The following USP37 variants were observed in gnomAD, a reference collection of about 807,000 sequenced individuals.
The protein encoded by USP37 is ubiquitin specific peptidase 37, also known as ubiquitin carboxyl-terminal hydrolase 37.
A neutral mutation model predicts 124.0 loss-of-function variants in USP37; 27 were observed. The observed-to-expected ratio is 0.22, with a 90% confidence interval of 0.16 to 0.30. USP37 has a LOEUF of 0.30. USP37 is among the 10% of genes least tolerant of loss of function. USP37 has a pLI of 1.00. For missense variants in USP37, 889 were observed against 1,140.4 expected (o/e 0.78, Z 3.17); for synonymous variants, 365 against 388.0 (o/e 0.94, Z 0.70).
rs192932949 is a variant in USP37 at position 218,538,343 on chromosome 2, T to C, written c.681-3637A>G. On this transcript the variant is annotated intron_variant, in intron 8 of 25. Transcript: ENST00000258399. Reference sequence around the variant, plus strand: ...GGTTGTGGCAAATGATTTGGATAAATAGGGGCTTGGAACGAGCAAGCCTGG... The same window carrying C: ...GGTTGTGGCAAATGATTTGGATAAACAGGGGCTTGGAACGAGCAAGCCTGG... Among the ~76,000 whole-genome samples the C allele has an allele frequency of 3.4e-4, 51 of 152,138 alleles. No individual in the cohort carries two copies. In the East Asian group the frequency reaches 6.8e-3, roughly 20 times the overall value.
intron 1 of USP37, among the ~76,000 whole-genome samples, chr2:218,564,712 G>T (rs1259883057): frequency 2.6e-5 from 4 of 152,076 alleles, no homozygotes; most frequent in African/African-American, 7.2e-5. Flanking sequence ...TACTCTAACT[G>T]TATACTCCAA....
At chr2:218,555,768 A>T (rs1206045723) in intron 4 of USP37, among the ~76,000 whole-genome samples, 1 of 152,036 alleles carries the variant, frequency 6.6e-6, no homozygotes, top group Non-Finnish European at 1.5e-5. Context: ...TGAATGCTTG[A>T]CACCTCAGAT....
At chr2:218,556,642 T>C (rs912210022) in intron 4 of USP37, among the ~76,000 whole-genome samples, 1 of 150,164 alleles carries the variant, frequency 6.7e-6, no homozygotes, top group African/African-American at 2.5e-5. Flanking sequence ...GCCTCCCGAG[T>C]AGCTGGGAAT....
chr2:218,466,612 G>T (rs1432130436), intron 20 of USP37, among the ~76,000 whole-genome samples: 9 of 152,112 alleles, frequency 5.9e-5, no homozygotes, highest in Non-Finnish European at 1.3e-4. Context: ...GTAAAGATGG[G>T]GAAGAAAAAA....
At chr2:218,455,552 T>A in intron 25 of USP37, 28 bp downstream of exon 25, 1 of 1,569,186 alleles carries the variant, frequency 6.4e-7, no homozygotes, top group Admixed American at 2.0e-5. Context: ...TTCTAACTCA[T>A]TATTTAGAAT....
chr2:218,460,319 T>A (rs1689946245), intron 22 of USP37, among the ~76,000 whole-genome samples: 1 of 151,678 alleles, frequency 6.6e-6, no homozygotes, highest in Non-Finnish European at 1.5e-5. Flanking sequence ...TAAAATAGTT[T>A]GAGGTACACA....
At chr2:218,558,775 T>C (rs113031690) in intron 3 of USP37, 98 bp from the exon 4 acceptor site, 8 of 932,062 alleles carry the variant, frequency 8.6e-6, no homozygotes, top group South Asian at 1.7e-5. Context: ...CTAACCACCA[T>C]GCATTTCTTC....
At chr2:218,471,938 G>A (rs1257574615) in intron 20 of USP37, among the ~76,000 whole-genome samples, 1 of 151,896 alleles carries the variant, frequency 6.6e-6, no homozygotes, top group Non-Finnish European at 1.5e-5. Flanking sequence ...GCTGAGGCAG[G>A]AGAATCACTT....
At chr2:218,457,708 G>A (rs776970038) in intron 23 of USP37, among the ~76,000 whole-genome samples, 2 of 152,022 alleles carry the variant, frequency 1.3e-5, no homozygotes, top group South Asian at 2.1e-4. Flanking sequence ...AAGCAAAACT[G>A]AAAAAGTGAT....
intron 9 of USP37, among the ~76,000 whole-genome samples, chr2:218,531,235 G>A (rs1036915650): frequency 8.5e-5 from 13 of 152,294 alleles, no homozygotes; most frequent in African/African-American, 2.9e-4. Flanking sequence ...TAATGTGGCT[G>A]AGGACTTGAA....
Position 218,493,155 on chromosome 2 carries a change from G to C in USP37, c.1472+2605C>G, listed in dbSNP as rs563806223. On this transcript the variant is annotated intron_variant, in intron 14 of 25. Coordinates refer to ENST00000258399, the MANE Select transcript of USP37 (RefSeq NM_020935.3). ...GCCAAACTGGCCAAACAAACCTATA[G>C]CAAGATGGGGCAGAGGATAAACACA... Among the ~76,000 whole-genome samples the C allele has an allele frequency of 2.5e-3, 375 of 152,064 alleles. 2 individuals are homozygous for C. The highest frequency in any genetic ancestry group is 8.5e-3 in the African/African-American group (352 of 41,456).
intron 11 of USP37, 125 bp from the exon 12 acceptor site, chr2:218,498,282 A>AC: frequency 1.0e-6 from 1 of 991,418 alleles, no homozygotes; most frequent in Non-Finnish European, 1.4e-6. Flanking sequence ...ACATATTACT[A>AC]CACCCTAACC....
intron 11 of USP37, 45 bp downstream of exon 11, chr2:218,509,934 G>C (rs1275782749): frequency 5.4e-6 from 8 of 1,478,194 alleles, no homozygotes; most frequent in African/African-American, 1.4e-5. Context: ...CACTTCTATT[G>C]AATCACTTTA....
rs530788907 is a variant in USP37 at position 218,463,786 on chromosome 2, C to T, written c.2467-420G>A. Reference sequence around the variant, plus strand: ...TCCTGACCTTGTGATCCGCCCACCTCGGCTTCCCAAAGTGCTGGGATTACA... The same window carrying T: ...TCCTGACCTTGTGATCCGCCCACCTTGGCTTCCCAAAGTGCTGGGATTACA... On this transcript the variant is annotated intron_variant, in intron 21 of 25. Transcript: ENST00000258399. Among the ~76,000 whole-genome samples, 508 of 151,062 alleles carry T rather than the reference C, an allele frequency of 3.4e-3. 1 individual carries two copies. The highest frequency in any genetic ancestry group is 0.011 in the African/African-American group (460 of 41,172).
At chr2:218,544,583 G>A (rs1692219966) in intron 8 of USP37, among the ~76,000 whole-genome samples, 4 of 151,724 alleles carry the variant, frequency 2.6e-5, no homozygotes, top group African/African-American at 9.7e-5. Flanking sequence ...TATTTTGGTG[G>A]TAGCCTTTAA....
At chr2:218,558,813 T>A in intron 3 of USP37, 136 bp from the exon 4 acceptor site, 1 of 646,564 alleles carries the variant, frequency 1.5e-6, no homozygotes, top group Non-Finnish European at 2.6e-6. Context: ...TTCTTTGCCA[T>A]GTGTCCAGTA....
intron 8 of USP37, among the ~76,000 whole-genome samples, chr2:218,538,215 T>C (rs570462288): frequency 1.3e-5 from 2 of 152,318 alleles, no homozygotes; most frequent in African/African-American, 4.8e-5. Context: ...AGGGACTGCC[T>C]TGAAAGACAG....
chr2:218,476,955 G>A lies in USP37; in HGVS notation c.1928C>T (p.Ser643Phe). ...SKKFTFKSKS[S>F]LALCLDSDSE... The stretch of plus-strand genomic sequence containing the variant: ...GTCTGAATCAAGGCATAAAGCCAAG[G>A]AGCTCTTGGATTTGAAGGTGAATTT... Residue 643 changes from serine (S) to phenylalanine (F), a missense_variant, in exon 19 of 26, where the codon TCC (serine) becomes TTC (phenylalanine). Ser to Phe is a radical substitution (Grantham distance 155). Transcript: ENST00000258399. 2 of 1,527,916 alleles carry A rather than the reference G, an allele frequency of 1.3e-6. No homozygotes were observed. The highest frequency in any genetic ancestry group is 2.4e-5 in the East Asian group (1 of 41,120). 94.6% of individuals were successfully genotyped at this position (1,527,916 alleles called of 1,614,324 possible).
At chr2:218,556,146 T>C (rs1054053230) in intron 4 of USP37, among the ~76,000 whole-genome samples, 10 of 152,230 alleles carry the variant, frequency 6.6e-5, no homozygotes, top group African/African-American at 1.9e-4. Flanking sequence ...GAAACATCAA[T>C]ATCTGGTTCC....
Sources: gnomAD v4.1 joint callset for allele counts (sites outside exome capture counted in the v4.1 genomes callset) on GRCh38, gnomAD v4.1.1 for gene constraint, MANE v1.5 for transcripts, NCBI Gene and HGNC (gene_info 2026-07-23, HGNC 2026-07-21) for gene names.